SUPT3H: variants seen among roughly 807,000 people sequenced by gnomAD.
The protein encoded by SUPT3H is transcription initiation protein SPT3 homolog.
Under a neutral mutation model 44.3 loss-of-function variants are expected in SUPT3H, and 44 were observed. That is an observed-to-expected ratio of 0.99 (90% CI 0.78 to 1.28). The LOEUF (loss-of-function observed/expected upper bound fraction) is 1.28. Among genes scored for constraint, SUPT3H ranks in the 50% most tolerant of loss-of-function variants. The pLI is 0.00. For missense variants in SUPT3H, 380 were observed against 387.1 expected, an observed-to-expected ratio of 0.98 and a Z score of 0.15; for synonymous variants, 124 against 125.6, an observed-to-expected ratio of 0.99 and a Z score of 0.09.
chr6:44,884,812 C>A (rs953987050), intron 10 of SUPT3H, among the ~76,000 whole-genome samples: 3 of 152,152 alleles, frequency 2.0e-5, no homozygotes, highest in Non-Finnish European at 2.9e-5. Flanking sequence ...CAGGGCGAGG[C>A]ATTGCTTCAC....
intron 3 of SUPT3H, among the ~76,000 whole-genome samples, chr6:45,069,322 A>C (rs1794005963): frequency 6.6e-6 from 1 of 152,200 alleles, no homozygotes; most frequent in Non-Finnish European, 1.5e-5. Context: ...ATGACAAAAA[A>C]CGTGTTTAGG....
intron 1 of SUPT3H, among the ~76,000 whole-genome samples, chr6:45,366,563 A>G (rs1795168458): frequency 6.6e-6 from 1 of 152,180 alleles, no homozygotes; most frequent in African/African-American, 2.4e-5. Context: ...CCCCTCCTTT[A>G]TCTGCTAAAA....
At chr6:45,075,088 T>C (rs1794839533) in intron 3 of SUPT3H, among the ~76,000 whole-genome samples, 1 of 152,104 alleles carries the variant, frequency 6.6e-6, no homozygotes, top group Non-Finnish European at 1.5e-5. Context: ...TCTCAGAGAC[T>C]AACATGGTTC....
At chr6:45,173,018 T>G (rs1045204518) in intron 2 of SUPT3H, among the ~76,000 whole-genome samples, 1 of 152,130 alleles carries the variant, frequency 6.6e-6, no homozygotes, top group Admixed American at 6.5e-5. Context: ...TGTGATGAAA[T>G]AAAGACGCAA....
At chr6:44,919,832 T>C (rs1410838103) in intron 10 of SUPT3H, among the ~76,000 whole-genome samples, 2 of 152,188 alleles carry the variant, frequency 1.3e-5, no homozygotes, top group Non-Finnish European at 2.9e-5. Context: ...TTGCCTATTA[T>C]ATCCCCTCAC....
At chr6:44,852,853 G>A (rs1052713412) in intron 10 of SUPT3H, among the ~76,000 whole-genome samples, 1 of 152,196 alleles carries the variant, frequency 6.6e-6, no homozygotes, top group African/African-American at 2.4e-5. Context: ...TAGGGCAAGT[G>A]CAGAGAAAAG....
At position 44,862,078 on chromosome 6, in the gene SUPT3H, G is replaced by A. The variant is rs189356035; in HGVS notation, c.913-32221C>T. Among the ~76,000 whole-genome samples the A allele has an allele frequency of 5.9e-5, 9 of 152,054 alleles. No individual in the cohort carries two copies. In the East Asian group the frequency reaches 1.4e-3, roughly 23 times the overall value. On this transcript the variant is annotated intron_variant, in intron 10 of 10. Transcript: ENST00000371459. ...CAGCATTCTCCATGCCTCAGCCCCC[G>A]CCTCTCCTTTTCTTCTCATCTCCAG...
chr6:45,299,746 C>T (rs1265388590), intron 2 of SUPT3H, among the ~76,000 whole-genome samples: 2 of 145,350 alleles, frequency 1.4e-5, no homozygotes, highest in African/African-American at 5.1e-5. Context: ...GAGACCCCGG[C>T]TCTGCCAAAA....
At chr6:45,146,313 CTAAATGGAATATA>C (rs1378719631) in intron 2 of SUPT3H, among the ~76,000 whole-genome samples, 2 of 151,958 alleles carry the variant, frequency 1.3e-5, no homozygotes, top group Non-Finnish European at 2.9e-5. Flanking sequence ...TATGTATATA[CTAAATGGAATATA>C]TAAATGGAAA....
chr6:45,297,745 T>C lies in SUPT3H; in HGVS notation c.101+67456A>G, dbSNP rs544135163. Among the ~76,000 whole-genome samples the C allele has an allele frequency of 7.9e-5, 12 of 152,284 alleles. No individual in the cohort carries two copies. The South Asian group carries it at 2.3e-3, about 29-fold the overall frequency. ...TCCCTTCTCCCCATTACTAATGGTA[T>C]ATAAAATTTTAATACTTTAGGCTCC... is the stretch of plus-strand genomic sequence containing the variant. On this transcript the variant is annotated intron_variant, in intron 2 of 10. Coordinates refer to ENST00000371459, the MANE Select transcript of SUPT3H (RefSeq NM_003599.4).
At chr6:44,989,495 A>G (rs900579913) in intron 6 of SUPT3H, among the ~76,000 whole-genome samples, 2 of 152,114 alleles carry the variant, frequency 1.3e-5, no homozygotes, top group Non-Finnish European at 2.9e-5. Context: ...TGAGGTATCA[A>G]GATCATTTCT....
chr6:45,271,361 C>T (rs925416519), intron 2 of SUPT3H, among the ~76,000 whole-genome samples: 6 of 152,144 alleles, frequency 3.9e-5, no homozygotes, highest in East Asian at 1.9e-4. Flanking sequence ...AGGGTCCCCG[C>T]GGTGTGTGCA....
At chr6:45,036,901 G>A (rs887819316) in intron 3 of SUPT3H, among the ~76,000 whole-genome samples, 19 of 151,964 alleles carry the variant, frequency 1.3e-4, no homozygotes, top group Admixed American at 2.6e-4. Context: ...AAGATGTAAG[G>A]GTAGATCCCA....
intron 10 of SUPT3H, among the ~76,000 whole-genome samples, chr6:44,834,737 T>C (rs1196215055): frequency 1.3e-5 from 2 of 152,176 alleles, no homozygotes; most frequent in African/African-American, 4.8e-5. Flanking sequence ...GTTCTGATTC[T>C]GCCCAAAGCT....
At chr6:45,194,588 T>C (rs1005538662) in intron 2 of SUPT3H, among the ~76,000 whole-genome samples, 4 of 152,158 alleles carry the variant, frequency 2.6e-5, no homozygotes, top group Admixed American at 2.0e-4. Context: ...AATGCCTTCA[T>C]AAGCACATGC....
chr6:44,818,707 T>A (rs1036137294), intron 11 of SUPT3H, among the ~76,000 whole-genome samples: 1 of 152,106 alleles, frequency 6.6e-6, no homozygotes, highest in Non-Finnish European at 1.5e-5. Flanking sequence ...ATGCTTAATA[T>A]CATTGGTCAT....
chr6:45,102,713 G>A (rs1478726987), intron 3 of SUPT3H, among the ~76,000 whole-genome samples: 4 of 152,014 alleles, frequency 2.6e-5, no homozygotes, highest in African/African-American at 7.2e-5. Context: ...AGGCTGAGTC[G>A]GGCAGATCCC....
chr6:44,890,816 A>G (rs1763185099), intron 10 of SUPT3H, among the ~76,000 whole-genome samples: 1 of 151,898 alleles, frequency 6.6e-6, no homozygotes, highest in Admixed American at 6.6e-5. Flanking sequence ...ATGCAGCCAT[A>G]AAACAGGATG....
chr6:45,237,713 G>T (rs557097105), intron 2 of SUPT3H, among the ~76,000 whole-genome samples: 1 of 152,266 alleles, frequency 6.6e-6, no homozygotes, highest in South Asian at 2.1e-4. Context: ...TAAGTAAAGA[G>T]AAAATGGAGG....
Sources: gnomAD v4.1 joint callset for allele counts (sites outside exome capture counted in the v4.1 genomes callset) on GRCh38, gnomAD v4.1.1 for gene constraint, MANE v1.5 for transcripts, NCBI Gene and HGNC (gene_info 2026-07-23, HGNC 2026-07-21) for gene names.